STARD13: variants seen among roughly 807,000 people sequenced by gnomAD.
STARD13 encodes stAR-related lipid transfer protein 13.
Under a neutral mutation model 106.4 loss-of-function variants are expected in STARD13, and 62 were observed. That is an observed-to-expected ratio of 0.58 (90% confidence interval 0.48 to 0.72). STARD13 has a LOEUF of 0.72. Among genes scored for constraint, STARD13 ranks in the 30% least tolerant of loss-of-function variants. The probability of loss-of-function intolerance (pLI) is 0.00; values close to 1 mark genes in which losing one functional copy is unlikely to be tolerated. For synonymous variants in STARD13, 565 were observed against 553.0 expected, an observed-to-expected ratio of 1.02 and a Z score of -0.31; for missense variants, 1,387 against 1,424.0, an observed-to-expected ratio of 0.97 and a Z score of 0.42.
At chr13:33,184,865 G>A (rs1417542613) in intron 1 of STARD13, among the ~76,000 whole-genome samples, 1 of 152,216 alleles carries the variant, frequency 6.6e-6, no homozygotes, top group African/African-American at 2.4e-5. Flanking sequence ...CCAAATGGGA[G>A]AAGAAAATAA....
the STARD13 span, among the ~76,000 whole-genome samples, chr13:33,499,604 T>TTCTTCCTTCTTC: frequency 2.5e-5 from 1 of 39,898 alleles, no homozygotes; most frequent in Non-Finnish European, 4.9e-5. Context: ...CTTCTTCTTC[T>TTCTTCCTTCTTC]TTCTTCTTCT....
the STARD13 span, among the ~76,000 whole-genome samples, chr13:33,484,535 C>A: frequency 6.6e-6 from 1 of 152,110 alleles, no homozygotes; most frequent in Non-Finnish European, 1.5e-5. Context: ...GCAGGAAAAT[C>A]ATTTTCCACA....
At chr13:33,249,674 G>T (rs2138280036) in intron 1 of STARD13, among the ~76,000 whole-genome samples, 1 of 152,156 alleles carries the variant, frequency 6.6e-6, no homozygotes, top group East Asian at 1.9e-4. Flanking sequence ...AGGTATAGTT[G>T]GTATTTAAAT....
chr13:33,160,810 A>G (rs1048432590), intron 3 of STARD13, among the ~76,000 whole-genome samples: 14 of 152,228 alleles, frequency 9.2e-5, no homozygotes, highest in Non-Finnish European at 1.9e-4. Flanking sequence ...ACTCTCATAC[A>G]TTGTCAATGG....
At chr13:33,300,639 T>C (rs1316469613) in intron 1 of STARD13, among the ~76,000 whole-genome samples, 1 of 152,226 alleles carries the variant, frequency 6.6e-6, no homozygotes, top group African/African-American at 2.4e-5. Flanking sequence ...AAAATTCTCT[T>C]AGTATAACTC....
intron 1 of STARD13, among the ~76,000 whole-genome samples, chr13:33,341,935 A>G (rs2077965847): frequency 6.6e-6 from 1 of 151,936 alleles, no homozygotes; most frequent in Non-Finnish European, 1.5e-5. Flanking sequence ...AATTACAGGC[A>G]TATCCCCACC....
At chr13:33,161,891 A>T (rs1882672036) in intron 3 of STARD13, among the ~76,000 whole-genome samples, 1 of 152,160 alleles carries the variant, frequency 6.6e-6, no homozygotes. Context: ...GAAGATGCAA[A>T]AGCGGAAACC....
At chr13:33,232,318 TTAAA>T (rs544495799) in intron 1 of STARD13, among the ~76,000 whole-genome samples, 16 of 152,176 alleles carry the variant, frequency 1.1e-4, no homozygotes, top group Non-Finnish European at 2.1e-4. Flanking sequence ...GTCTTCAAAA[TTAAA>T]TAAATAAATA....
intron 4 of STARD13, among the ~76,000 whole-genome samples, chr13:33,141,358 C>G (rs933664214): frequency 6.6e-6 from 1 of 152,178 alleles, no homozygotes; most frequent in Non-Finnish European, 1.5e-5. Context: ...AACAGAGAAG[C>G]CTCATCTCAG....
At chr13:33,362,794 A>G in the STARD13 span, among the ~76,000 whole-genome samples, 2 of 152,192 alleles carry the variant, frequency 1.3e-5, no homozygotes, top group South Asian at 4.1e-4. Context: ...ATTATTTTTT[A>G]TTCCTTGCTT....
chr13:33,426,817 C>T, the STARD13 span, among the ~76,000 whole-genome samples: 5 of 151,984 alleles, frequency 3.3e-5, no homozygotes, highest in Non-Finnish European at 7.4e-5. Flanking sequence ...AAATATTCTT[C>T]GTATTTTCTA....
chr13:33,468,267 T>C, the STARD13 span, among the ~76,000 whole-genome samples: 1 of 152,264 alleles, frequency 6.6e-6, no homozygotes, highest in Admixed American at 6.5e-5. Flanking sequence ...TTGGTATCTC[T>C]ACAGGCCCCT....
At chr13:33,494,696 A>T in the STARD13 span, among the ~76,000 whole-genome samples, 1 of 152,124 alleles carries the variant, frequency 6.6e-6, no homozygotes, top group Non-Finnish European at 1.5e-5. Flanking sequence ...AGGCTTCAGG[A>T]AAATAGCTTT....
intron 1 of STARD13, among the ~76,000 whole-genome samples, chr13:33,305,162 G>T (rs185157652): frequency 2.3e-4 from 35 of 152,324 alleles, no homozygotes; most frequent in Admixed American, 2.0e-3. Context: ...AAAGTACTGG[G>T]ATTATAGGCA....
At chr13:33,233,835 T>C (rs1889049704) in intron 1 of STARD13, among the ~76,000 whole-genome samples, 1 of 152,224 alleles carries the variant, frequency 6.6e-6, no homozygotes, top group East Asian at 1.9e-4. Flanking sequence ...CTGGTCTGGA[T>C]GCAGGCCCTG....
chr13:33,503,536 T>G, the STARD13 span, among the ~76,000 whole-genome samples: 1 of 152,248 alleles, frequency 6.6e-6, no homozygotes, highest in Non-Finnish European at 1.5e-5. Context: ...TAAATTTCCC[T>G]CTACACACTG....
chr13:33,519,236 CTT>C, the STARD13 span, among the ~76,000 whole-genome samples: 10 of 150,250 alleles, frequency 6.7e-5, no homozygotes, highest in African/African-American at 2.5e-4. Flanking sequence ...TTCTTTCTTT[CTT>C]TCTTTCTTTC....
the STARD13 span, among the ~76,000 whole-genome samples, chr13:33,616,684 T>C: frequency 6.6e-6 from 1 of 152,230 alleles, no homozygotes; most frequent in Admixed American, 6.5e-5. Context: ...ATGGTTAGGC[T>C]CTGAAGATAC....
chr13:33,364,841 A>G, the STARD13 span, among the ~76,000 whole-genome samples: 1 of 152,200 alleles, frequency 6.6e-6, no homozygotes, highest in Non-Finnish European at 1.5e-5. Flanking sequence ...GTGAGCCGAG[A>G]TGGCGCCACT....
Sources: allele counts gnomAD v4.1 joint callset (sites outside exome capture counted in the v4.1 genomes callset), GRCh38; gene constraint gnomAD v4.1.1; transcripts MANE v1.5; gene names NCBI Gene and HGNC (gene_info 2026-07-23, HGNC 2026-07-21).